The following MAP3K13 variants were observed in gnomAD, a reference collection of about 807,000 sequenced individuals.
MAP3K13 encodes mitogen-activated protein kinase kinase kinase 13, also known as leucine zipper-bearing kinase.
Under a neutral mutation model 104.0 loss-of-function variants are expected in MAP3K13, and 52 were observed. The ratio of observed to expected loss-of-function variants is 0.50; its 90% CI spans 0.40 to 0.63. MAP3K13 has a LOEUF of 0.63. Ranked by LOEUF, MAP3K13 falls within the 20% of genes least tolerant of loss-of-function variation. The pLI is 0.00. For synonymous variants in MAP3K13, 394 were observed against 442.2 expected (o/e 0.89, Z 1.37); for missense variants, 914 against 1,218.5 (o/e 0.75, Z 3.72).
chr3:185,380,202 C>CAAAACAAA (rs545416651), intron 1 of MAP3K13, among the ~76,000 whole-genome samples: 1 of 150,382 alleles, frequency 6.6e-6, no homozygotes, highest in East Asian at 2.0e-4. Flanking sequence ...CAAAACAAAA[C>CAAAACAAA]AAAAAAACAG....
chr3:185,457,490 C>T (rs931637032), intron 7 of MAP3K13, among the ~76,000 whole-genome samples: 1 of 152,140 alleles, frequency 6.6e-6, no homozygotes, highest in Non-Finnish European at 1.5e-5. Flanking sequence ...TGTGTCCTCA[C>T]GAGGTGGAAG....
intron 2 of MAP3K13, among the ~76,000 whole-genome samples, chr3:185,318,063 G>A (rs934541558): frequency 1.3e-5 from 2 of 151,608 alleles, no homozygotes; most frequent in African/African-American, 4.8e-5. Flanking sequence ...AATATTAAAG[G>A]GAGAGTTCAA....
chr3:185,413,399 A>G (rs1189769306), intron 1 of MAP3K13, among the ~76,000 whole-genome samples: 2 of 152,238 alleles, frequency 1.3e-5, no homozygotes, highest in African/African-American at 4.8e-5. Flanking sequence ...TGGCTAGTGA[A>G]TACCTAAAAT....
At chr3:185,410,938 A>G in intron 1 of MAP3K13, among the ~76,000 whole-genome samples, 1 of 152,108 alleles carries the variant, frequency 6.6e-6, no homozygotes, top group East Asian at 1.9e-4. Context: ...CTGTCTAAAA[A>G]AAAAAAAAAA....
At chr3:185,396,386 A>T (rs983347293) in intron 1 of MAP3K13, among the ~76,000 whole-genome samples, 7 of 152,066 alleles carry the variant, frequency 4.6e-5, no homozygotes, top group African/African-American at 1.4e-4. Context: ...AAATAAATAA[A>T]TAATTAAAAA....
intron 2 of MAP3K13, among the ~76,000 whole-genome samples, chr3:185,339,926 A>G (rs1161800520): frequency 6.6e-6 from 1 of 152,220 alleles, no homozygotes; most frequent in Admixed American, 6.5e-5. Flanking sequence ...AGCTGAAACT[A>G]TGCAAAGCAG....
At chr3:185,345,805 T>A (rs954438461) in intron 2 of MAP3K13, among the ~76,000 whole-genome samples, 9 of 152,184 alleles carry the variant, frequency 5.9e-5, no homozygotes, top group African/African-American at 2.2e-4. Context: ...ATAAATGTAA[T>A]GCACTTGAAT....
chr3:185,432,465 C>T (rs767121307), intron 2 of MAP3K13, among the ~76,000 whole-genome samples: 1 of 152,140 alleles, frequency 6.6e-6, no homozygotes, highest in Non-Finnish European at 1.5e-5. Context: ...TGCTGGATTA[C>T]AGGCATGAGC....
rs1281725447 is a variant in MAP3K13 at position 185,423,614 on chromosome 3, A to G, written c.-85-4883A>G. Among the ~76,000 whole-genome samples, 1 of 152,134 alleles carries G rather than the reference A, an allele frequency of 6.6e-6. No individual in the cohort carries two copies. Among genetic ancestry groups the G allele is most frequent in the East Asian group, 1.9e-4 (1 of 5,194 alleles). ...TTTTCTTCTTTCTTCCCCCTGCCCC[A>G]ACCTTATATTCCCAGGGAGCTTCTC... On this transcript the variant is annotated intron_variant, in intron 1 of 13. Transcript: ENST00000265026. The surrounding 1 kb of genome is among the most constrained non-coding windows in gnomAD (Gnocchi z 4.1).
chr3:185,418,057 G>A lies in MAP3K13; in HGVS notation c.-85-10440G>A, dbSNP rs1713892348. ...GAAACGTCCCACATGCCCACCAGGA[G>A]CAAGCTTCAAAATGTTCAGCTTGCT... On this transcript the variant is annotated intron_variant, in intron 1 of 13. Coordinates refer to ENST00000265026, the MANE Select transcript of MAP3K13 (RefSeq NM_004721.5). The surrounding 1 kb of genome is among the most constrained non-coding windows in gnomAD (Gnocchi z 4.5). 1.9e-6 allele frequency: 3 copies of A among 1,611,782 alleles called. No individual in the cohort carries two copies. The African/African-American group carries it at 4.0e-5, about 22-fold the overall frequency.
At chr3:185,298,895 AG>A (rs1446001711) in intron 2 of MAP3K13, among the ~76,000 whole-genome samples, 2 of 152,242 alleles carry the variant, frequency 1.3e-5, no homozygotes, top group Admixed American at 6.5e-5. Flanking sequence ...GTAAGCCAAA[AG>A]GGTTCTGTAA....
intron 2 of MAP3K13, among the ~76,000 whole-genome samples, chr3:185,330,100 A>C (rs1722206327): frequency 1.6e-5 from 2 of 124,822 alleles, no homozygotes; most frequent in Admixed American, 9.7e-5. Flanking sequence ...ATGGGGTTTC[A>C]CCATGTTAGC....
intron 2 of MAP3K13, among the ~76,000 whole-genome samples, chr3:185,357,004 A>G (rs1723384336): frequency 6.6e-6 from 1 of 152,176 alleles, no homozygotes; most frequent in Non-Finnish European, 1.5e-5. Flanking sequence ...ATTGCATGCA[A>G]TGTGTGGCTA....
chr3:185,293,267 G>T (rs1270000975), intron 2 of MAP3K13, among the ~76,000 whole-genome samples: 2 of 151,798 alleles, frequency 1.3e-5, no homozygotes, highest in African/African-American at 4.8e-5. Context: ...ACAGGCACTC[G>T]CCACTGCGCC....
In MAP3K13 at chr3:185,480,396, TGTC is replaced by T; in HGVS notation, c.2667_2669del (p.Ser890del). 6.2e-7 allele frequency: 1 copy of T among 1,614,228 alleles called. No homozygotes were observed. Among genetic ancestry groups the T allele is most frequent in the Non-Finnish European group, 8.5e-7 (1 of 1,180,036 alleles). ...TTGGCAGAGAAGCTAGACGACCTGC[TGTC>T]CCAGACGCCAGAGATTCCCATTGAC... On this transcript the variant is annotated inframe_deletion, in exon 13 of 14. Transcript: ENST00000265026.
chr3:185,317,773 C>T (rs1721728533), intron 2 of MAP3K13, among the ~76,000 whole-genome samples: 1 of 151,970 alleles, frequency 6.6e-6, no homozygotes, highest in Non-Finnish European at 1.5e-5. Flanking sequence ...GAAGGGAAAC[C>T]TTTCATTTTG....
At chr3:185,295,000 C>G (rs1720867931) in intron 2 of MAP3K13, among the ~76,000 whole-genome samples, 1 of 152,176 alleles carries the variant, frequency 6.6e-6, no homozygotes, top group African/African-American at 2.4e-5. Flanking sequence ...CCCCTCTAAT[C>G]TCATTGCTTT....
chr3:185,480,631 A>C, intron 13 of MAP3K13, 102 bp downstream of exon 13: 1 of 1,207,866 alleles, frequency 8.3e-7, no homozygotes, highest in Non-Finnish European at 1.1e-6. Context: ...ATAAGATACA[A>C]CAGTGGCCTT....
At chr3:185,356,113 G>A (rs1282333972) in intron 2 of MAP3K13, among the ~76,000 whole-genome samples, 1 of 144,598 alleles carries the variant, frequency 6.9e-6, no homozygotes, top group Non-Finnish European at 1.6e-5. Context: ...GGAAATACTG[G>A]GTCTTTAAAA....
Sources: allele counts gnomAD v4.1 joint callset (sites outside exome capture counted in the v4.1 genomes callset), GRCh38; gene constraint gnomAD v4.1.1; non-coding constraint Gnocchi (gnomAD v3.1); transcripts MANE v1.5; gene names NCBI Gene and HGNC (gene_info 2026-07-23, HGNC 2026-07-21).